KHDRBS2: variants seen among roughly 807,000 people sequenced by gnomAD.
The protein encoded by KHDRBS2 is KH RNA binding domain containing, signal transduction associated 2.
A neutral mutation model predicts 44.3 loss-of-function variants in KHDRBS2; 26 were observed. The observed-to-expected ratio is 0.59, with a 90% confidence interval of 0.43 to 0.81. The LOEUF (loss-of-function observed/expected upper bound fraction) is 0.81, where lower values mean the gene tolerates loss of function less well. Among genes scored for constraint, KHDRBS2 ranks in the 40% least tolerant of loss-of-function variants. The probability of loss-of-function intolerance (pLI) is 0.00; values close to 1 mark genes in which losing one functional copy is unlikely to be tolerated. For synonymous variants in KHDRBS2, 194 were observed against 151.1 expected, an observed-to-expected ratio of 1.28 and a Z score of -2.08; for missense variants, 476 against 433.1, an observed-to-expected ratio of 1.10 and a Z score of -0.88.
intron 5 of KHDRBS2, among the ~76,000 whole-genome samples, chr6:61,896,818 A>T (rs1018386923): frequency 2.6e-5 from 4 of 152,162 alleles, no homozygotes; most frequent in Non-Finnish European, 5.9e-5. Context: ...TAGCCTACTG[A>T]TTTCCAAATC....
At chr6:61,644,484 T>C in the KHDRBS2 span, among the ~76,000 whole-genome samples, 8 of 152,048 alleles carry the variant, frequency 5.3e-5, no homozygotes, top group African/African-American at 7.2e-5. Context: ...AGAGCTTCTG[T>C]ACAGCAAAAG....
chr6:62,102,950 A>G (rs1364829028), intron 2 of KHDRBS2, among the ~76,000 whole-genome samples: 5 of 152,126 alleles, frequency 3.3e-5, no homozygotes, highest in African/African-American at 9.7e-5. Flanking sequence ...AACTTTATTG[A>G]GCGACACAGC....
intron 7 of KHDRBS2, among the ~76,000 whole-genome samples, chr6:61,712,806 G>A (rs2127551558): frequency 6.6e-6 from 1 of 151,690 alleles, no homozygotes; most frequent in East Asian, 1.9e-4. Flanking sequence ...ATATGGTTGT[G>A]CCCCCCACCT....
intron 4 of KHDRBS2, among the ~76,000 whole-genome samples, chr6:61,910,155 T>C (rs1805793387): frequency 6.6e-6 from 1 of 152,210 alleles, no homozygotes; most frequent in African/African-American, 2.4e-5. Context: ...GACTTGCAAC[T>C]AAGTTGGAAT....
chr6:61,692,998 A>G (rs1561976606), intron 8 of KHDRBS2, among the ~76,000 whole-genome samples: 1 of 152,128 alleles, frequency 6.6e-6, no homozygotes, highest in Non-Finnish European at 1.5e-5. Context: ...ATACGACCAC[A>G]ATGTAACACA....
At chr6:62,162,623 T>C (rs1817881908) in intron 2 of KHDRBS2, among the ~76,000 whole-genome samples, 1 of 152,118 alleles carries the variant, frequency 6.6e-6, no homozygotes, top group African/African-American at 2.4e-5. Context: ...TTTGCAATAC[T>C]TCAATAGGCT....
At chr6:61,574,503 T>A in the KHDRBS2 span, 7 of 1,007,910 alleles carry the variant, frequency 6.9e-6, no homozygotes, top group Middle Eastern at 3.4e-4. Context: ...ATTAAAAATT[T>A]CGGCTGGGGC....
intron 6 of KHDRBS2, among the ~76,000 whole-genome samples, chr6:61,775,615 A>G: frequency 6.6e-6 from 1 of 152,192 alleles, no homozygotes; most frequent in Non-Finnish European, 1.5e-5. Context: ...AAGGAAAACT[A>G]CAAACCATTG....
the KHDRBS2 span, among the ~76,000 whole-genome samples, chr6:61,592,188 CAAAAAAAAA>C: frequency 5.7e-5 from 7 of 122,276 alleles, no homozygotes; most frequent in Admixed American, 8.5e-5. Context: ...AAGATCCCAC[CAAAAAAAAA>C]AAAAAAAAAA....
chr6:61,937,566 C>G (rs1583603286), intron 4 of KHDRBS2, among the ~76,000 whole-genome samples: 1 of 152,032 alleles, frequency 6.6e-6, no homozygotes, highest in East Asian at 1.9e-4. Context: ...AAAACTTCTA[C>G]TATATGAGTA....
At chr6:62,119,646 G>A (rs1275902628) in intron 2 of KHDRBS2, among the ~76,000 whole-genome samples, 1 of 152,192 alleles carries the variant, frequency 6.6e-6, no homozygotes. Flanking sequence ...TGAAGCTGGG[G>A]ACGCTAAGCT....
the KHDRBS2 span, among the ~76,000 whole-genome samples, chr6:61,554,037 T>C: frequency 6.6e-6 from 1 of 152,206 alleles, no homozygotes; most frequent in Non-Finnish European, 1.5e-5. Context: ...AGCATTGAGT[T>C]CATGTCTTGT....
At chr6:61,975,917 C>A (rs1772544289) in intron 4 of KHDRBS2, among the ~76,000 whole-genome samples, 1 of 152,110 alleles carries the variant, frequency 6.6e-6, no homozygotes, top group African/African-American at 2.4e-5. Context: ...GCTAAGGAAA[C>A]AGCCATGTCA....
intron 1 of KHDRBS2, among the ~76,000 whole-genome samples, chr6:62,188,906 G>A (rs760840243): frequency 8.5e-5 from 13 of 152,108 alleles, no homozygotes; most frequent in Admixed American, 2.0e-4. Context: ...TTGAGGTCAG[G>A]AGTTCAAAAC....
chr6:61,775,094 C>A (rs538636192), intron 6 of KHDRBS2, among the ~76,000 whole-genome samples: 3 of 152,086 alleles, frequency 2.0e-5, no homozygotes, highest in Non-Finnish European at 4.4e-5. Context: ...TTCAACAACC[C>A]TTCATGCTAA....
intron 6 of KHDRBS2, among the ~76,000 whole-genome samples, chr6:61,797,725 T>TTGTGTGTG (rs56038952): frequency 9.6e-5 from 11 of 114,752 alleles, no homozygotes; most frequent in South Asian, 3.4e-4. Flanking sequence ...GTATGGTGTT[T>TTGTGTGTG]TGTGTGTGTG....
intron 2 of KHDRBS2, among the ~76,000 whole-genome samples, chr6:62,107,609 G>A (rs991848506): frequency 1.3e-5 from 2 of 151,972 alleles, no homozygotes; most frequent in Non-Finnish European, 2.9e-5. Flanking sequence ...ACTTCATATG[G>A]AACCAAAAAA....
At chr6:61,653,258 T>A in the KHDRBS2 span, among the ~76,000 whole-genome samples, 1 of 152,112 alleles carries the variant, frequency 6.6e-6, no homozygotes, top group Non-Finnish European at 1.5e-5. Context: ...AGTGCCTCTG[T>A]TCCTCTGAAG....
chr6:61,632,689 T>C, the KHDRBS2 span, among the ~76,000 whole-genome samples: 120 of 152,230 alleles, frequency 7.9e-4, 1 homozygote, highest in Non-Finnish European at 1.5e-3. Context: ...TGGTTAATTT[T>C]CATTGCTCTG....
Sources: gnomAD v4.1 joint callset for allele counts (sites outside exome capture counted in the v4.1 genomes callset) on GRCh38, gnomAD v4.1.1 for gene constraint, MANE v1.5 for transcripts, NCBI Gene and HGNC (gene_info 2026-07-23, HGNC 2026-07-21) for gene names.